The following SCN2A variants were observed in gnomAD, a reference collection of about 807,000 sequenced individuals.
The protein encoded by SCN2A is sodium voltage-gated channel alpha subunit 2.
Under a neutral mutation model 188.7 loss-of-function variants are expected in SCN2A, and 20 were observed. The ratio of observed to expected loss-of-function variants is 0.11; its 90% CI spans 0.07 to 0.15. The LOEUF (loss-of-function observed/expected upper bound fraction) is 0.15, where lower values mean the gene tolerates loss of function less well. SCN2A is among the 10% of genes least tolerant of loss of function. SCN2A has a pLI of 1.00. For synonymous variants in SCN2A, 804 were observed against 833.1 expected (o/e 0.97, Z 0.60); for missense variants, 1,278 against 2,445.0 (o/e 0.52, Z 10.07).
chr2:165,341,990 G>A (rs1002696628), intron 14 of SCN2A, among the ~76,000 whole-genome samples: 8 of 152,116 alleles, frequency 5.3e-5, no homozygotes, highest in Non-Finnish European at 7.4e-5. Flanking sequence ...AGTTTTTGGA[G>A]GGCTAGAAAG....
In SCN2A at chr2:165,308,742, A is replaced by G. The variant is rs1284660010; in HGVS notation, c.553A>G (p.Thr185Ala). The change falls in exon 5 of 27, where the codon ACA (threonine) becomes GCA (alanine). Residue 185 changes from threonine to alanine, a missense_variant. By Grantham distance (58) the Thr-to-Ala change is moderately conservative. Coordinates refer to ENST00000375437, the MANE Select transcript of SCN2A (RefSeq NM_001040142.2). ...LARGFCLEDF[T>A]FLRDPWNWLD... ...AAGGGGCTTTTGTTTAGAAGATTTCACATTTTTACGGGATCCATGGAATTG... is the reference window on the plus strand; with the variant it reads ...AAGGGGCTTTTGTTTAGAAGATTTCGCATTTTTACGGGATCCATGGAATTG... 3 of 1,612,850 alleles carry G rather than the reference A, an allele frequency of 1.9e-6. No individual in the cohort carries two copies. The highest frequency in any genetic ancestry group is 1.7e-6 in the Non-Finnish European group (2 of 1,179,154).
chr2:165,326,020 A>G (rs1698338826), intron 12 of SCN2A, among the ~76,000 whole-genome samples: 1 of 152,140 alleles, frequency 6.6e-6, no homozygotes, highest in Non-Finnish European at 1.5e-5. Context: ...GAAACTTTTT[A>G]ATTTATTATT....
At chr2:165,386,280 A>G (rs533412776) in intron 25 of SCN2A, among the ~76,000 whole-genome samples, 1 of 152,102 alleles carries the variant, frequency 6.6e-6, no homozygotes, top group Admixed American at 6.6e-5. Context: ...CCTGACCAAT[A>G]CGGTGAAATC....
At chr2:165,321,015 T>C (rs567302423) in intron 11 of SCN2A, among the ~76,000 whole-genome samples, 1 of 152,334 alleles carries the variant, frequency 6.6e-6, no homozygotes, top group South Asian at 2.1e-4. Context: ...TCCAAACTTT[T>C]ATGTTCTGCT....
intron 14 of SCN2A, among the ~76,000 whole-genome samples, chr2:165,338,989 G>A (rs1433821501): frequency 1.3e-5 from 2 of 152,210 alleles, no homozygotes; most frequent in Non-Finnish European, 2.9e-5. Flanking sequence ...GTGAGGCTGA[G>A]GCAGTGGATC....
At chr2:165,258,265 TGAG>T (rs1304269783) in intron 1 of SCN2A, among the ~76,000 whole-genome samples, 1 of 152,228 alleles carries the variant, frequency 6.6e-6, no homozygotes, top group Non-Finnish European at 1.5e-5. Context: ...ATGGTATTTA[TGAG>T]CTTACCTTCT....
At chr2:165,361,672 G>A (rs143445510) in intron 17 of SCN2A, among the ~76,000 whole-genome samples, 17 of 152,126 alleles carry the variant, frequency 1.1e-4, no homozygotes, top group African/African-American at 3.9e-4. Context: ...ATCCTGTGCT[G>A]CTCCGCTTCA....
intron 1 of SCN2A, among the ~76,000 whole-genome samples, chr2:165,253,124 A>C (rs10182570): frequency 0.37 from 56,041 of 151,830 alleles, 10,663 homozygotes; most frequent in African/African-American, 0.46. Context: ...TTCCTAGAAC[A>C]TGAAAGGATA....
At chr2:165,324,114 A>G (rs1191948565) in intron 12 of SCN2A, among the ~76,000 whole-genome samples, 1 of 152,180 alleles carries the variant, frequency 6.6e-6, no homozygotes, top group African/African-American at 2.4e-5. Flanking sequence ...TTACTGTCAT[A>G]AACTCTTATT....
At chr2:165,290,398 C>T (rs1696042568) in intron 1 of SCN2A, among the ~76,000 whole-genome samples, 1 of 152,042 alleles carries the variant, frequency 6.6e-6, no homozygotes, top group South Asian at 2.1e-4. Flanking sequence ...TTTTTTACTT[C>T]TTCCTCATGT....
intron 16 of SCN2A, among the ~76,000 whole-genome samples, chr2:165,346,001 G>C (rs1699564906): frequency 6.6e-6 from 1 of 152,130 alleles, no homozygotes; most frequent in African/African-American, 2.4e-5. Flanking sequence ...ATTCTGGGTT[G>C]AAAATTCTTT....
At chr2:165,353,053 C>CTT (rs199906634) in intron 16 of SCN2A, among the ~76,000 whole-genome samples, 1 of 141,198 alleles carries the variant, frequency 7.1e-6, no homozygotes. Context: ...CGTAAGTTGT[C>CTT]TTTTTTTTTT....
intron 1 of SCN2A, among the ~76,000 whole-genome samples, chr2:165,287,581 A>G (rs574062559): frequency 2.5e-4 from 38 of 151,608 alleles, no homozygotes; most frequent in African/African-American, 8.2e-4. Context: ...TTATTATTTT[A>G]GACAGTTTAG....
At chr2:165,297,173 T>C (rs1252132090) in intron 3 of SCN2A, 38 bp downstream of exon 3, 1 of 1,235,860 alleles carries the variant, frequency 8.1e-7, no homozygotes, top group Non-Finnish European at 1.2e-6. Flanking sequence ...ATGATTTTCT[T>C]CTTTGACCAA....
Position 165,365,219 on chromosome 2 carries a change from T to C in SCN2A, c.3476T>C (p.Val1159Ala). 6.2e-7 allele frequency: 1 copy of C among 1,614,034 alleles called. No individual in the cohort carries two copies. Among genetic ancestry groups the C allele is most frequent in the African/African-American group, 1.3e-5 (1 of 75,048 alleles). Residue 1159 changes from valine to alanine, a missense_variant, in exon 18 of 27, where the codon GTT becomes GCT. Val to Ala is a moderately conservative substitution (Grantham distance 64). Transcript: ENST00000375437. ...CCCGCCGAGGGAGAACAGCCTGAGG[T>C]TGAACCTGAGGAATCCCTTGAACCT... is the stretch of plus-strand genomic sequence containing the variant. Reference protein sequence around the residue: ...GAPAEGEQPEVEPEESLEPEA... With the variant: ...GAPAEGEQPEAEPEESLEPEA...
At chr2:165,308,924 A>C in intron 5 of SCN2A, 130 bp downstream of exon 5, 3 of 1,281,080 alleles carry the variant, frequency 2.3e-6, no homozygotes, top group Non-Finnish European at 3.3e-6. Context: ...TCTTCCAATC[A>C]AATTATCCAG....
intron 25 of SCN2A, among the ~76,000 whole-genome samples, chr2:165,383,181 C>T (rs572578597): frequency 6.2e-4 from 94 of 151,698 alleles, no homozygotes; most frequent in Non-Finnish European, 1.1e-3. Context: ...AATAGTCCTG[C>T]CAAAAAATGG....
chr2:165,301,886 A>G (rs1270370491), intron 3 of SCN2A, among the ~76,000 whole-genome samples: 1 of 152,184 alleles, frequency 6.6e-6, no homozygotes, highest in Admixed American at 6.5e-5. Context: ...AAACCCAGAG[A>G]TATTTAGTTT....
chr2:165,291,436 C>CTCTTTCTT lies in SCN2A; in HGVS notation c.-51-4287_-51-4280dup, dbSNP rs1220470911. Among the ~76,000 whole-genome samples, 131 of 65,426 alleles carry CTCTTTCTT rather than the reference C, an allele frequency of 2.0e-3. 11 individuals carry two copies. The highest frequency in any genetic ancestry group is 4.1e-3 in the African/African-American group (75 of 18,382). The allele number at this position is 65,426 out of a possible 152,430, so 42.9% of individuals were successfully genotyped here. On this transcript the variant is annotated intron_variant, in intron 1 of 26. Transcript: ENST00000375437. ...CCTTCCTCCCTGTCTGTCTTTCTTTCTCTTTCTTTCTTTCTTTCTTTCTTT... is the reference window on the plus strand; with the variant it reads ...CCTTCCTCCCTGTCTGTCTTTCTTTCTCTTTCTTTCTTTCTTTCTTTCTTTCTTTCTTT...
Sources: allele counts gnomAD v4.1 joint callset (sites outside exome capture counted in the v4.1 genomes callset), GRCh38; gene constraint gnomAD v4.1.1; transcripts MANE v1.5; gene names NCBI Gene and HGNC (gene_info 2026-07-23, HGNC 2026-07-21).